Variants in RALGPS2 observed in about 807,000 individuals in gnomAD.
The protein encoded by RALGPS2 is Ral GEF with PH domain and SH3 binding motif 2.
In RALGPS2, 43 loss-of-function variants were observed where a neutral mutation model predicts 86.8. That is an observed-to-expected ratio of 0.50 (90% CI 0.39 to 0.64). The LOEUF (loss-of-function observed/expected upper bound fraction) is 0.64. Ranked by LOEUF, RALGPS2 falls within the 30% of genes least tolerant of loss-of-function variation. The probability of loss-of-function intolerance (pLI) is 0.00; values close to 1 mark genes in which losing one functional copy is unlikely to be tolerated. For missense variants in RALGPS2, 536 were observed against 694.6 expected, an observed-to-expected ratio of 0.77 and a Z score of 2.57; for synonymous variants, 243 against 231.3, an observed-to-expected ratio of 1.05 and a Z score of -0.46.
chr1:178,829,754 A>T (rs1247150463), intron 7 of RALGPS2, among the ~76,000 whole-genome samples: 4 of 151,358 alleles, frequency 2.6e-5, no homozygotes, highest in Admixed American at 6.6e-5. Flanking sequence ...ATTTATTTTT[A>T]TTTTTTTTGA....
chr1:178,782,188 A>C (rs1653427112), intron 2 of RALGPS2, among the ~76,000 whole-genome samples: 1 of 152,154 alleles, frequency 6.6e-6, no homozygotes, highest in African/African-American at 2.4e-5. Flanking sequence ...GTAAACCCTA[A>C]TTGATGAACT....
At chr1:178,874,638 C>T (rs1453676795) in intron 8 of RALGPS2, among the ~76,000 whole-genome samples, 1 of 152,196 alleles carries the variant, frequency 6.6e-6, no homozygotes, top group Non-Finnish European at 1.5e-5. Flanking sequence ...TTTATATCTT[C>T]TATTGCTGTT....
chr1:178,818,390 T>A (rs1655337187), intron 6 of RALGPS2, among the ~76,000 whole-genome samples: 1 of 152,072 alleles, frequency 6.6e-6, no homozygotes. Context: ...AAGCTGATTT[T>A]TCTGATCCAA....
chr1:178,898,253 C>G (rs1343619651), intron 17 of RALGPS2, among the ~76,000 whole-genome samples: 1 of 151,850 alleles, frequency 6.6e-6, no homozygotes, highest in Admixed American at 6.6e-5. Flanking sequence ...TTTTTACATA[C>G]CAGTGATAGA....
Position 178,917,776 on chromosome 1 carries a change from C to T in RALGPS2, c.*1417C>T, listed in dbSNP as rs1660860427. 3 of 151,964 alleles carry T rather than the reference C, an allele frequency of 2.0e-5. No homozygotes were observed. Among genetic ancestry groups the T allele is most frequent in the African/African-American group, 7.3e-5 (3 of 41,368 alleles). 9.4% of individuals were successfully genotyped at this position (151,964 alleles called of 1,614,324 possible). On this transcript the variant is annotated 3_prime_UTR_variant, in exon 20 of 20. Coordinates refer to ENST00000367635, the MANE Select transcript of RALGPS2 (RefSeq NM_152663.5). ...ATTTTAATGAAAAATGACACTCAAA[C>T]AAAGGCTATATGTCGAATGTTATAA...
chr1:178,736,331 C>A (rs1432813633), intron 1 of RALGPS2, among the ~76,000 whole-genome samples: 1 of 151,572 alleles, frequency 6.6e-6, no homozygotes, highest in Non-Finnish European at 1.5e-5. Flanking sequence ...CTGGCTAATT[C>A]TTGTATTTTC....
At chr1:178,745,407 G>A (rs1651261231) in intron 1 of RALGPS2, among the ~76,000 whole-genome samples, 2 of 152,198 alleles carry the variant, frequency 1.3e-5, no homozygotes, top group Admixed American at 6.5e-5. Context: ...TCAAAACAAT[G>A]TTGTATTTGT....
At chr1:178,748,319 C>CA (rs756185730) in intron 1 of RALGPS2, among the ~76,000 whole-genome samples, 5,376 of 77,812 alleles carry the variant, frequency 0.069, 282 homozygotes, top group African/African-American at 0.19. Context: ...GACTCCGTCT[C>CA]AAAAAAAAAA....
chr1:178,765,708 TACA>T (rs60929040), intron 1 of RALGPS2, among the ~76,000 whole-genome samples: 30 of 152,316 alleles, frequency 2.0e-4, no homozygotes, highest in African/African-American at 6.3e-4. Flanking sequence ...GTCCCTTATC[TACA>T]ACCATAAAAG....
chr1:178,727,252 A>G (rs1051515571), intron 1 of RALGPS2, among the ~76,000 whole-genome samples: 3 of 150,752 alleles, frequency 2.0e-5, no homozygotes, highest in African/African-American at 7.3e-5. Flanking sequence ...TCCTTTTAAG[A>G]TAGGTTCTCC....
At chr1:178,856,624 C>T (rs1379194442) in intron 8 of RALGPS2, among the ~76,000 whole-genome samples, 1 of 151,440 alleles carries the variant, frequency 6.6e-6, no homozygotes, top group Non-Finnish European at 1.5e-5. Context: ...ACTTAGTGAA[C>T]GTATTCAGAG....
Position 178,903,472 on chromosome 1 carries a change from CTGTT to C in RALGPS2, c.1630+1265_1630+1268del, listed in dbSNP as rs374365979. Among the ~76,000 whole-genome samples, 498 of 152,192 alleles carry C rather than the reference CTGTT, an allele frequency of 3.3e-3. 5 individuals carry two copies. The highest frequency in any genetic ancestry group is 0.011 in the African/African-American group (445 of 41,554). On this transcript the variant is annotated intron_variant, in intron 18 of 19. Coordinates refer to ENST00000367635, the MANE Select transcript of RALGPS2 (RefSeq NM_152663.5). Reference sequence around the variant, plus strand: ...TCACCCGAGCAGCATACACTGCACTCTGTTTGTAGTCTTTTTACCCTCATCCCCC... The same window carrying C: ...TCACCCGAGCAGCATACACTGCACTCTGTAGTCTTTTTACCCTCATCCCCC...
intron 12 of RALGPS2, chr1:178,885,565 G>A (rs763129533): frequency 2.3e-4 from 45 of 192,374 alleles, no homozygotes; most frequent in Non-Finnish European, 3.6e-4. Context: ...AAAAATAACA[G>A]CTATAAAAAT....
intron 8 of RALGPS2, among the ~76,000 whole-genome samples, chr1:178,854,757 C>T (rs1332960925): frequency 6.6e-6 from 1 of 152,114 alleles, no homozygotes; most frequent in African/African-American, 2.4e-5. Flanking sequence ...GTGTTGCATG[C>T]ATTTGCCCTC....
intron 13 of RALGPS2, among the ~76,000 whole-genome samples, chr1:178,888,794 C>T (rs555724380): frequency 1.4e-4 from 21 of 152,088 alleles, no homozygotes; most frequent in African/African-American, 4.8e-4. Flanking sequence ...CTAATGGATA[C>T]CTTACAGCAT....
intron 4 of RALGPS2, among the ~76,000 whole-genome samples, chr1:178,793,072 A>C (rs1374329464): frequency 6.6e-6 from 1 of 152,180 alleles, no homozygotes; most frequent in African/African-American, 2.4e-5. Context: ...TAATTACTTA[A>C]TTTCACTTAC....
intron 8 of RALGPS2, among the ~76,000 whole-genome samples, chr1:178,871,458 G>C (rs1019709862): frequency 3.9e-5 from 6 of 152,146 alleles, no homozygotes; most frequent in Non-Finnish European, 5.9e-5. Flanking sequence ...ACTTTGTCAG[G>C]AGGCAGCCAC....
intron 8 of RALGPS2, chr1:178,852,678 C>T: frequency 6.2e-7 from 1 of 1,603,886 alleles, no homozygotes; most frequent in Non-Finnish European, 8.5e-7. Flanking sequence ...GTTTTTCATA[C>T]TTACCTGCAT....
chr1:178,865,014 G>T (rs1031757461), intron 8 of RALGPS2: 2 of 1,480,788 alleles, frequency 1.4e-6, no homozygotes, highest in African/African-American at 1.4e-5. Flanking sequence ...GAAGTTGCCA[G>T]ATCAGGTGGT....
Sources: gnomAD v4.1 joint callset for allele counts (sites outside exome capture counted in the v4.1 genomes callset) on GRCh38, gnomAD v4.1.1 for gene constraint, MANE v1.5 for transcripts, NCBI Gene and HGNC (gene_info 2026-07-23, HGNC 2026-07-21) for gene names.